The following MAGI1 variants were observed in gnomAD, a reference collection of about 807,000 sequenced individuals.
MAGI1 encodes the protein membrane associated guanylate kinase, WW and PDZ domain containing 1.
Under a neutral mutation model 139.9 loss-of-function variants are expected in MAGI1, and 58 were observed. That is an observed-to-expected ratio of 0.41 (90% CI 0.34 to 0.52). The LOEUF is 0.52. MAGI1 is among the 20% of genes least tolerant of loss of function. MAGI1 has a pLI of 0.12. For synonymous variants in MAGI1, 812 were observed against 737.9 expected (o/e 1.10, Z -1.63); for missense variants, 1,874 against 1,901.6 (o/e 0.99, Z 0.27).
At chr3:65,936,458 C>T (rs777603366) in intron 1 of MAGI1, among the ~76,000 whole-genome samples, 4 of 151,772 alleles carry the variant, frequency 2.6e-5, no homozygotes, top group Non-Finnish European at 4.4e-5. Context: ...GCCAACATGG[C>T]GAAACCCCGT....
intron 12 of MAGI1, chr3:65,401,811 C>T (rs1459072119): frequency 3.0e-6 from 4 of 1,313,450 alleles, no homozygotes; most frequent in East Asian, 7.3e-5. Flanking sequence ...AGAGACTTAA[C>T]TTACAATTAA....
intron 13 of MAGI1, 55 bp downstream of exon 13, chr3:65,401,382 AGC>A: frequency 2.5e-6 from 1 of 404,304 alleles, no homozygotes; most frequent in Non-Finnish European, 4.3e-6. Context: ...TCCCACCTCC[AGC>A]CCCCCACCAT....
At chr3:65,772,730 T>C (rs1201878058) in intron 1 of MAGI1, among the ~76,000 whole-genome samples, 2 of 152,212 alleles carry the variant, frequency 1.3e-5, no homozygotes, top group Non-Finnish European at 2.9e-5. Flanking sequence ...GAGGGCAGTA[T>C]TGCAGGTAAA....
At chr3:65,973,946 C>T (rs2065128481) in intron 1 of MAGI1, among the ~76,000 whole-genome samples, 2 of 151,986 alleles carry the variant, frequency 1.3e-5, no homozygotes, top group Middle Eastern at 3.2e-3. Flanking sequence ...AATGCTGATG[C>T]CATAAAATAT....
chr3:65,853,694 C>A (rs753370210), intron 1 of MAGI1, among the ~76,000 whole-genome samples: 12 of 152,156 alleles, frequency 7.9e-5, no homozygotes, highest in Non-Finnish European at 1.5e-4. Flanking sequence ...AGTCTCTATC[C>A]TCACAAGACC....
chr3:65,683,370 T>C (rs1231036395), intron 1 of MAGI1, among the ~76,000 whole-genome samples: 1 of 151,964 alleles, frequency 6.6e-6, no homozygotes, highest in Non-Finnish European at 1.5e-5. Flanking sequence ...GTTGATAATG[T>C]GGGAGGCTGT....
chr3:66,004,405 G>A (rs550903004), intron 1 of MAGI1, among the ~76,000 whole-genome samples: 14 of 152,238 alleles, frequency 9.2e-5, no homozygotes, highest in South Asian at 2.1e-4. Context: ...GCCTCTCTGC[G>A]TGGTCTCTCT....
intron 1 of MAGI1, among the ~76,000 whole-genome samples, chr3:65,675,962 A>G (rs114270135): frequency 1.5e-3 from 221 of 152,304 alleles, no homozygotes; most frequent in African/African-American, 4.8e-3. Flanking sequence ...ACCTTGTTTG[A>G]CGACTTTAAG....
intron 1 of MAGI1, among the ~76,000 whole-genome samples, chr3:65,658,357 G>GA (rs1286693837): frequency 1.3e-5 from 2 of 152,132 alleles, no homozygotes; most frequent in Non-Finnish European, 2.9e-5. Context: ...GCTATTCAGA[G>GA]AAAACCAAAT....
intron 1 of MAGI1, among the ~76,000 whole-genome samples, chr3:65,953,682 G>C (rs2063973088): frequency 6.6e-6 from 1 of 152,180 alleles, no homozygotes; most frequent in Admixed American, 6.5e-5. Context: ...TTGTCTCCCT[G>C]CTGTGCGGGG....
At chr3:65,360,248 AG>A (rs1940679004) in intron 22 of MAGI1, 1 of 985,406 alleles carries the variant, frequency 1.0e-6, no homozygotes, top group African/African-American at 1.7e-5. Flanking sequence ...TCCCTAATAA[AG>A]GGGACCAACG....
chr3:65,467,424 A>G (rs1006279324), intron 5 of MAGI1, among the ~76,000 whole-genome samples: 3 of 152,010 alleles, frequency 2.0e-5, no homozygotes, highest in Admixed American at 6.5e-5. Flanking sequence ...CAAAGTAACA[A>G]GTATATATAA....
intron 2 of MAGI1, among the ~76,000 whole-genome samples, chr3:65,538,214 G>C (rs778601253): frequency 3.2e-4 from 49 of 152,138 alleles, no homozygotes; most frequent in Non-Finnish European, 6.5e-4. Context: ...CTAACTTATA[G>C]GTTGGAGTAT....
chr3:66,024,698 C>A (rs554254683), intron 1 of MAGI1, among the ~76,000 whole-genome samples: 1 of 152,006 alleles, frequency 6.6e-6, no homozygotes, highest in Non-Finnish European at 1.5e-5. Context: ...CCCAGCTACT[C>A]GGGAGGCTGA....
chr3:65,502,372 T>C (rs2077115462), intron 2 of MAGI1, among the ~76,000 whole-genome samples: 1 of 146,302 alleles, frequency 6.8e-6, no homozygotes, highest in Admixed American at 6.9e-5. Context: ...CCTATTAATG[T>C]CAATTTGAGA....
intron 13 of MAGI1, among the ~76,000 whole-genome samples, chr3:65,400,631 C>A (rs1387114088): frequency 6.6e-6 from 1 of 152,010 alleles, no homozygotes; most frequent in Non-Finnish European, 1.5e-5. Flanking sequence ...CATTAGTGCC[C>A]CGGGAGCATA....
chr3:65,773,339 TC>T (rs2038109012), intron 1 of MAGI1, among the ~76,000 whole-genome samples: 1 of 129,790 alleles, frequency 7.7e-6, no homozygotes. Context: ...TCAAGACTGG[TC>T]TAGTCAACAC....
chr3:65,755,079 C>G lies in MAGI1; in HGVS notation c.314-132991G>C, dbSNP rs542513879. ...AGCAATTCTCCTATCTCCCTAGTAG[C>G]TGGGATTACAGGCGCGTGCCACGAG... On this transcript the variant is annotated intron_variant, in intron 1 of 22. Coordinates refer to ENST00000402939, the MANE Select transcript of MAGI1 (RefSeq NM_001033057.2). Among the ~76,000 whole-genome samples the G allele has an allele frequency of 1.3e-4, 20 of 151,898 alleles. 1 individual carries two copies. The highest frequency in any genetic ancestry group is 6.8e-3 in the Middle Eastern group (2 of 292).
intron 1 of MAGI1, among the ~76,000 whole-genome samples, chr3:65,802,757 T>C (rs916931756): frequency 2.0e-5 from 3 of 152,094 alleles, no homozygotes; most frequent in African/African-American, 7.2e-5. Flanking sequence ...GAATGCCTAG[T>C]TTCCTGCCTC....
Sources: gnomAD v4.1 joint callset for allele counts (sites outside exome capture counted in the v4.1 genomes callset) on GRCh38, gnomAD v4.1.1 for gene constraint, MANE v1.5 for transcripts, NCBI Gene and HGNC (gene_info 2026-07-23, HGNC 2026-07-21) for gene names.